The following ZZEF1 variants were observed in gnomAD, a reference collection of about 807,000 sequenced individuals.
ZZEF1 encodes zinc finger ZZ-type and EF-hand domain-containing protein 1.
A neutral mutation model predicts 342.8 loss-of-function variants in ZZEF1; 157 were observed. The observed-to-expected ratio is 0.46, with a 90% CI of 0.40 to 0.52. ZZEF1 has a LOEUF of 0.52. ZZEF1 is among the 20% of genes least tolerant of loss of function. The pLI is 0.00. For missense variants in ZZEF1, 3,480 were observed against 3,725.6 expected, an observed-to-expected ratio of 0.93 and a Z score of 1.72; for synonymous variants, 1,505 against 1,429.1, an observed-to-expected ratio of 1.05 and a Z score of -1.20.
In ZZEF1 at chr17:4,075,553, A is replaced by T. The variant is rs543265814; in HGVS notation, c.3235-124T>A. 9 of 1,091,842 alleles carry T rather than the reference A, an allele frequency of 8.2e-6. No individual in the cohort carries two copies. In the East Asian group the frequency reaches 2.2e-4, roughly 27 times the overall value. 67.6% of individuals were successfully genotyped at this position (1,091,842 alleles called of 1,614,324 possible). On this transcript the variant is annotated intron_variant, in intron 21 of 54. Transcript: ENST00000381638. The stretch of plus-strand genomic sequence containing the variant: ...CCTTGACAGCCCTGCACAAACCAGC[A>T]GGCAGGCTCGAAGACAAACCTGACA...
chr17:4,062,193 T>G (rs2057300018), intron 30 of ZZEF1, among the ~76,000 whole-genome samples: 1 of 152,094 alleles, frequency 6.6e-6, no homozygotes, highest in South Asian at 2.1e-4. Context: ...TCTTTGGCTT[T>G]CATCTCCTCA....
intron 17 of ZZEF1, among the ~76,000 whole-genome samples, chr17:4,081,818 T>C (rs1038116108): frequency 6.8e-6 from 1 of 147,294 alleles, no homozygotes; most frequent in Non-Finnish European, 1.5e-5. Flanking sequence ...AAACGTTCCT[T>C]GTGTCTTCAC....
At chr17:4,136,912 T>C (rs2145615382) in intron 1 of ZZEF1, among the ~76,000 whole-genome samples, 2 of 152,036 alleles carry the variant, frequency 1.3e-5, no homozygotes, top group East Asian at 3.9e-4. Context: ...TTTCTCAAAC[T>C]CCATGCTGCT....
intron 31 of ZZEF1, 68 bp from the exon 32 acceptor site, chr17:4,058,223 A>T: frequency 6.7e-7 from 1 of 1,493,148 alleles, no homozygotes; most frequent in Non-Finnish European, 9.0e-7. Context: ...GAAGCAATTC[A>T]AGTAGGTGAC....
chr17:4,116,861 ACT>A (rs1440042547), intron 3 of ZZEF1, 109 bp downstream of exon 3: 10 of 1,139,136 alleles, frequency 8.8e-6, no homozygotes, highest in Admixed American at 5.0e-5. Flanking sequence ...CAAACTCATG[ACT>A]CTGTATTTTC....
intron 26 of ZZEF1, 78 bp downstream of exon 26, chr17:4,070,606 A>T (rs2057489083): frequency 6.9e-7 from 1 of 1,454,692 alleles, no homozygotes; most frequent in East Asian, 2.3e-5. Context: ...AAATATTTTA[A>T]ATGTTCACTT....
At chr17:4,092,294 T>C (rs1026065784) in intron 11 of ZZEF1, among the ~76,000 whole-genome samples, 7 of 120,994 alleles carry the variant, frequency 5.8e-5, no homozygotes, top group Admixed American at 3.2e-4. Flanking sequence ...AGAGAAAACA[T>C]GTCCCTTTTT....
chr17:4,057,347 TGA>T lies in ZZEF1; in HGVS notation c.5165+645_5165+646del, dbSNP rs149382758. 6.4e-3 allele frequency among the ~76,000 whole-genome samples: 971 copies of T among 152,302 alleles called. 11 individuals carry two copies. The highest frequency in any genetic ancestry group is 0.023 in the African/African-American group (937 of 41,560). ...CCCTTTTCCCTTGGAACCGCTCTCCTGAGAGAGTGGAGACTGTCCTGGTGTTG... is the reference window on the plus strand; with the variant it reads ...CCCTTTTCCCTTGGAACCGCTCTCCTGAGAGTGGAGACTGTCCTGGTGTTG... On this transcript the variant is annotated intron_variant, in intron 32 of 54. Transcript: ENST00000381638.
At chr17:4,051,747 GAA>G (rs35370638) in intron 35 of ZZEF1, among the ~76,000 whole-genome samples, 6 of 129,076 alleles carry the variant, frequency 4.6e-5, no homozygotes, top group Non-Finnish European at 3.4e-5. Context: ...TTTAACACAG[GAA>G]AAAAAAAAAA....
Position 4,095,909 on chromosome 17 carries a change from C to T in ZZEF1, c.1835G>A (p.Cys612Tyr), listed in dbSNP as rs1567837528. The change falls in exon 11 of 55, where the codon TGT (cysteine) becomes TAT (tyrosine). Residue 612 changes from cysteine (C) to tyrosine (Y), a missense_variant. Around this residue, in one of 5 missense-constraint regions of ZZEF1, gnomAD observed 1,528 missense variants for 1,624.1 expected, o/e 0.94. Coordinates refer to ENST00000381638, the MANE Select transcript of ZZEF1 (RefSeq NM_015113.4). The stretch of plus-strand genomic sequence containing the variant: ...AAACCTTTTGAAGTGTTCTTCCGCA[C>T]AAAATTTATCTGAAGATGAGTTATA... ...FAYNSSSDKFCAEEHFKRFEK... is the reference protein window; with the variant it reads ...FAYNSSSDKFYAEEHFKRFEK... 2 of 1,613,682 alleles carry T rather than the reference C, an allele frequency of 1.2e-6. No homozygotes were observed. The highest frequency in any genetic ancestry group is 1.3e-5 in the African/African-American group (1 of 75,000).
At chr17:4,121,720 G>A (rs35139288) in intron 2 of ZZEF1, among the ~76,000 whole-genome samples, 37,064 of 151,764 alleles carry the variant, frequency 0.24, 4,557 homozygotes, top group South Asian at 0.29. Context: ...GGAGAATGGA[G>A]ATACACATTT....
chr17:4,048,712 CT>C (rs1051842955), intron 37 of ZZEF1, among the ~76,000 whole-genome samples: 1 of 151,672 alleles, frequency 6.6e-6, no homozygotes, highest in Non-Finnish European at 1.5e-5. Context: ...CTAGGAATGA[CT>C]TTTTTTTGGT....
chr17:4,076,529 A>C, intron 21 of ZZEF1, 108 bp downstream of exon 21: 12 of 1,404,496 alleles, frequency 8.5e-6, no homozygotes, highest in Non-Finnish European at 1.1e-5. Context: ...GGAGCCTTCT[A>C]GAGGCTGCTC....
At chr17:4,041,256 T>TGTG (rs753255945) in intron 39 of ZZEF1, among the ~76,000 whole-genome samples, 21 of 152,102 alleles carry the variant, frequency 1.4e-4, no homozygotes, top group Non-Finnish European at 2.4e-4. Context: ...TGAGCTACAG[T>TGTG]GTGGTCTTCT....
At chr17:4,045,041 C>A (rs546689721) in intron 37 of ZZEF1, among the ~76,000 whole-genome samples, 2 of 152,204 alleles carry the variant, frequency 1.3e-5, no homozygotes, top group African/African-American at 4.8e-5. Flanking sequence ...GTAATCCCAG[C>A]TACTCAGGAG....
intron 45 of ZZEF1, 54 bp downstream of exon 45, chr17:4,021,075 A>C (rs2056256762): frequency 2.0e-6 from 3 of 1,525,120 alleles, no homozygotes; most frequent in Non-Finnish European, 1.8e-6. Flanking sequence ...CGGGCCAAAG[A>C]GAAGCCATCC....
chr17:4,051,223 CA>C (rs1000168291), intron 35 of ZZEF1, among the ~76,000 whole-genome samples, 180 bp from the exon 36 acceptor site: 7 of 152,150 alleles, frequency 4.6e-5, no homozygotes, highest in Admixed American at 4.6e-4. Flanking sequence ...TGAAGAAACA[CA>C]AACACAGAAC....
intron 40 of ZZEF1, 40 bp downstream of exon 40, chr17:4,033,975 A>G (rs2056605105): frequency 3.1e-6 from 5 of 1,603,440 alleles, no homozygotes; most frequent in Non-Finnish European, 4.3e-6. Flanking sequence ...CCAAGGTGGG[A>G]TAGAGGGCAG....
intron 8 of ZZEF1, among the ~76,000 whole-genome samples, chr17:4,104,405 T>C (rs1250090658): frequency 6.6e-6 from 1 of 152,122 alleles, no homozygotes; most frequent in East Asian, 1.9e-4. Context: ...GACAATCAAG[T>C]GTCCTCTTCT....
Sources: gnomAD v4.1 joint callset for allele counts (sites outside exome capture counted in the v4.1 genomes callset) on GRCh38, gnomAD v4.1.1 for gene constraint, gnomAD v4.1.1 regional missense constraint, MANE v1.5 for transcripts, NCBI Gene and HGNC (gene_info 2026-07-23, HGNC 2026-07-21) for gene names.